Variants in ABL2 observed in about 807,000 individuals in gnomAD.
ABL2 encodes tyrosine-protein kinase ABL2.
ABL2 carries 49 observed loss-of-function variants against 107.7 expected under a neutral mutation model. The ratio of observed to expected loss-of-function variants is 0.45; its 90% CI spans 0.36 to 0.58. The LOEUF (loss-of-function observed/expected upper bound fraction) is 0.58. ABL2 is among the 20% of genes least tolerant of loss of function. The pLI, the probability that ABL2 is intolerant of heterozygous loss-of-function variation, is 0.00. For missense variants in ABL2, 1,245 were observed against 1,457.0 expected (o/e 0.85, Z 2.37); for synonymous variants, 549 against 548.6 (o/e 1.00, Z -0.01).
At chr1:179,152,089 G>A (rs1658396013) in intron 1 of ABL2, among the ~76,000 whole-genome samples, 1 of 152,218 alleles carries the variant, frequency 6.6e-6, no homozygotes, top group East Asian at 1.9e-4. Flanking sequence ...CAAATTCAAG[G>A]CCAGATCAAG....
In ABL2 at chr1:179,110,859, G is replaced by C. The variant is rs764228097; in HGVS notation, c.1652-404C>G. 9.9e-6 allele frequency: 16 copies of C among 1,613,920 alleles called. No individual in the cohort carries two copies. In the Admixed American group the frequency reaches 1.0e-4, roughly 10 times the overall value. Reference sequence around the variant, plus strand: ...AATGTAGGAGAACTGGTGGATCACAGGGTATACGTGTATTCAGGTTTATTA... The same window carrying C: ...AATGTAGGAGAACTGGTGGATCACACGGTATACGTGTATTCAGGTTTATTA... On this transcript the variant is annotated intron_variant, in intron 10 of 11. Coordinates refer to ENST00000502732, the MANE Select transcript of ABL2 (RefSeq NM_007314.4).
rs1275468146 is a variant in ABL2, at chr1:179,114,997, T to C, written c.1442A>G (p.Tyr481Cys). 1.2e-6 allele frequency: 2 copies of C among 1,608,620 alleles called. No homozygotes were observed. Among genetic ancestry groups the C allele is most frequent in the African/African-American group, 1.3e-5 (1 of 74,910 alleles). The change falls in exon 9 of 12, where the codon TAT (tyrosine) becomes TGT (cysteine). Residue 481 changes from tyrosine (Y) to cysteine (C), a missense_variant. Transcript: ENST00000502732. ...AATACCTGGATATGGTGACATTCCATAGGTAGCAATTTCCCACAACAATAC... is the reference window on the plus strand; with the variant it reads ...AATACCTGGATATGGTGACATTCCACAGGTAGCAATTTCCCACAACAATAC... ...FGVLLWEIAT[Y>C]GMSPYPGIDL...
At chr1:179,137,970 G>A (rs1657195840) in intron 1 of ABL2, 1 of 152,262 alleles carries the variant, frequency 6.6e-6, no homozygotes, top group Admixed American at 6.5e-5. Flanking sequence ...TCTGCTGTCA[G>A]GTGGTGCCAG....
intron 1 of ABL2, among the ~76,000 whole-genome samples, chr1:179,225,486 G>A (rs1046823826): frequency 1.3e-5 from 2 of 152,240 alleles, no homozygotes; most frequent in Admixed American, 6.5e-5. Context: ...AGAAGCTTTC[G>A]AATCTAATTC....
chr1:179,206,809 C>G (rs769802223), intron 1 of ABL2, among the ~76,000 whole-genome samples: 1 of 152,118 alleles, frequency 6.6e-6, no homozygotes, highest in African/African-American at 2.4e-5. Flanking sequence ...TTAAAAAACT[C>G]AGCCATTTAG....
At chr1:179,137,433 T>C (rs929747356) in intron 1 of ABL2, among the ~76,000 whole-genome samples, 1 of 152,088 alleles carries the variant, frequency 6.6e-6, no homozygotes, top group African/African-American at 2.4e-5. Flanking sequence ...TATAAATATA[T>C]ATATATATTT....
In ABL2 at chr1:179,108,811, G is replaced by A. The variant is rs748061721; in HGVS notation, c.2456C>T (p.Ser819Phe). ...GTCCACATTCTCTTCTGGCTGAGAAGAGGTGGACACTGTCCTTTCCAGCTG... is the reference window on the plus strand; with the variant it reads ...GTCCACATTCTCTTCTGGCTGAGAAAAGGTGGACACTGTCCTTTCCAGCTG... ...KLQLERTVST[S>F]SQPEENVDRA... Residue 819 changes from serine (S) to phenylalanine (F), a missense_variant, in exon 12 of 12, where the codon TCT becomes TTT. Physicochemically the swap from Ser to Phe is radical, Grantham distance 155. Around this residue, in one of 3 missense-constraint regions of ABL2, gnomAD observed 761 missense variants for 766.4 expected, o/e 0.99. Transcript: ENST00000502732. 42 of 1,614,190 alleles carry A rather than the reference G, an allele frequency of 2.6e-5. No homozygotes were observed. Among genetic ancestry groups the A allele is most frequent in the Non-Finnish European group, 3.4e-5 (40 of 1,180,038 alleles).
In ABL2 at chr1:179,100,101, A is replaced by G. The variant is rs532997438; in HGVS notation, c.*7617T>C. On this transcript the variant is annotated 3_prime_UTR_variant, in exon 12 of 12. Transcript: ENST00000502732. ...TCAAACATATGCCCTAAAGAACCAT[A>G]AACAAGTATCTCATTGTTCCTTTCT... 2.6e-5 allele frequency: 6 copies of G among 231,956 alleles called. No individual in the cohort carries two copies. The highest frequency in any genetic ancestry group is 4.3e-5 in the Non-Finnish European group (5 of 117,368). The allele number at this position is 231,956 out of a possible 1,614,324, so 14.4% of individuals were successfully genotyped here.
rs186788138 is a variant in ABL2, at chr1:179,140,384, T to C, written c.158-7010A>G. On this transcript the variant is annotated intron_variant, in intron 1 of 11. Transcript: ENST00000502732. ...TTATTCCATTTTAAAGTACATCTAT[T>C]CTTGATAACACTCTCACATCCCCCA... Among the ~76,000 whole-genome samples, 20 of 152,376 alleles carry C rather than the reference T, an allele frequency of 1.3e-4. No homozygotes were observed. In the East Asian group the frequency reaches 3.7e-3, roughly 28 times the overall value.
chr1:179,169,275 G>A (rs1326223888), intron 1 of ABL2, among the ~76,000 whole-genome samples: 1 of 152,174 alleles, frequency 6.6e-6, no homozygotes, highest in Non-Finnish European at 1.5e-5. Flanking sequence ...CTGGCCGGGT[G>A]CGGTGGCTCA....
At chr1:179,119,315 G>A in intron 6 of ABL2, among the ~76,000 whole-genome samples, 1 of 152,082 alleles carries the variant, frequency 6.6e-6, no homozygotes, top group Non-Finnish European at 1.5e-5. Flanking sequence ...GCTGAGGCAG[G>A]CAGATCGCCT....
intron 1 of ABL2, among the ~76,000 whole-genome samples, chr1:179,214,319 T>A (rs1662442967): frequency 6.6e-6 from 1 of 151,854 alleles, no homozygotes; most frequent in Non-Finnish European, 1.5e-5. Flanking sequence ...CATCAAAATC[T>A]CCTAAATCTT....
At chr1:179,225,042 T>G (rs1286484777) in intron 1 of ABL2, among the ~76,000 whole-genome samples, 1 of 151,822 alleles carries the variant, frequency 6.6e-6, no homozygotes, top group Non-Finnish European at 1.5e-5. Context: ...AAACATAAAA[T>G]AAAAGAGTTG....
At chr1:179,221,135 G>T in intron 1 of ABL2, 2 of 243,500 alleles carry the variant, frequency 8.2e-6, no homozygotes, top group South Asian at 1.5e-4. Flanking sequence ...GAGTTACTTG[G>T]GGTGAAAAAA....
intron 1 of ABL2, among the ~76,000 whole-genome samples, chr1:179,169,527 G>A (rs1415268198): frequency 8.6e-5 from 13 of 150,682 alleles, no homozygotes; most frequent in African/African-American, 2.9e-4. Flanking sequence ...CAGCCTGGGC[G>A]ACAGAGCAAG....
chr1:179,122,802 C>T (rs745854940), intron 4 of ABL2, among the ~76,000 whole-genome samples: 3 of 151,898 alleles, frequency 2.0e-5, no homozygotes, highest in East Asian at 1.9e-4. Flanking sequence ...TACAGGCATG[C>T]GCCATCACGC....
intron 4 of ABL2, among the ~76,000 whole-genome samples, chr1:179,122,605 A>AAT (rs937459682): frequency 5.9e-5 from 9 of 151,770 alleles, no homozygotes; most frequent in Admixed American, 2.6e-4. Context: ...TATATTTTCA[A>AAT]ATATATATAT....
chr1:179,119,387 T>C (rs1164653733), intron 6 of ABL2, among the ~76,000 whole-genome samples: 1 of 151,822 alleles, frequency 6.6e-6, no homozygotes, highest in East Asian at 1.9e-4. Flanking sequence ...ACTACAAAAA[T>C]TAGCTGGGCG....
At chr1:179,202,139 G>A (rs1048293410) in intron 1 of ABL2, among the ~76,000 whole-genome samples, 3 of 151,496 alleles carry the variant, frequency 2.0e-5, no homozygotes, top group Non-Finnish European at 2.9e-5. Flanking sequence ...ATCATTTGAT[G>A]CAATTTAACA....
Sources: allele counts gnomAD v4.1 joint callset (sites outside exome capture counted in the v4.1 genomes callset), GRCh38; gene constraint gnomAD v4.1.1; regional missense constraint gnomAD v4.1.1; transcripts MANE v1.5; gene names NCBI Gene and HGNC (gene_info 2026-07-23, HGNC 2026-07-21).